MDFIC2: variants seen among roughly 807,000 people sequenced by gnomAD.
MDFIC2 encodes MyoD family inhibitor domain containing 2, also known as myoD family inhibitor domain-containing protein 2.
chr3:70,249,613 G>A (rs554953771), intron 2 of MDFIC2: 1 of 152,092 alleles, frequency 6.6e-6, no homozygotes, highest in South Asian at 2.1e-4. Context: ...CTGTGAAAAT[G>A]GAAAGAAATG....
intron 2 of MDFIC2, among the ~76,000 whole-genome samples, chr3:70,289,043 C>G (rs866922061): frequency 2.6e-5 from 4 of 152,010 alleles, no homozygotes; most frequent in Non-Finnish European, 5.9e-5. Flanking sequence ...TTAATTGGAG[C>G]ATTTAGCCCA....
In MDFIC2 at chr3:70,196,090, A is replaced by T. The variant is rs1263928047; in HGVS notation, c.*836T>A. Among the ~76,000 whole-genome samples, 2 of 152,218 alleles carry T rather than the reference A, an allele frequency of 1.3e-5. No homozygotes were observed. Among genetic ancestry groups the T allele is most frequent in the East Asian group, 3.8e-4 (2 of 5,196 alleles). ...TGTAAAATGAGCTGAATCTGTTTTAATATCCTGTTGCTTATTGTACCTGAC... is the reference window on the plus strand; with the variant it reads ...TGTAAAATGAGCTGAATCTGTTTTATTATCCTGTTGCTTATTGTACCTGAC... On this transcript the variant is annotated 3_prime_UTR_variant, in exon 4 of 4. Transcript: ENST00000567252.
intron 3 of MDFIC2, among the ~76,000 whole-genome samples, chr3:70,200,031 A>G (rs949490243): frequency 1.3e-5 from 2 of 152,176 alleles, no homozygotes; most frequent in Non-Finnish European, 2.9e-5. Context: ...GAAACCTGGT[A>G]GTCATTCTTT....
chr3:70,275,560 T>A (rs1702016535), intron 2 of MDFIC2, among the ~76,000 whole-genome samples: 1 of 151,982 alleles, frequency 6.6e-6, no homozygotes, highest in Non-Finnish European at 1.5e-5. Context: ...ACAAAGGAAT[T>A]CAGTCCTTGG....
intron 2 of MDFIC2, among the ~76,000 whole-genome samples, chr3:70,273,824 G>T (rs1701996981): frequency 6.6e-6 from 1 of 152,102 alleles, no homozygotes. Flanking sequence ...TTTTTCCAAG[G>T]CAGAGTCTCA....
chr3:70,262,904 T>G (rs908736259), intron 2 of MDFIC2, among the ~76,000 whole-genome samples: 5 of 152,210 alleles, frequency 3.3e-5, no homozygotes, highest in African/African-American at 1.2e-4. Flanking sequence ...TCTCTGTGTT[T>G]TGCTTTGGAT....
At chr3:70,214,452 G>A (rs972363359) in intron 2 of MDFIC2, among the ~76,000 whole-genome samples, 9 of 152,052 alleles carry the variant, frequency 5.9e-5, no homozygotes, top group Non-Finnish European at 1.0e-4. Context: ...AAAGGCTAAA[G>A]TATATTATTC....
At chr3:70,236,557 T>C (rs990624093) in intron 2 of MDFIC2, among the ~76,000 whole-genome samples, 3 of 152,172 alleles carry the variant, frequency 2.0e-5, no homozygotes, top group Non-Finnish European at 4.4e-5. Context: ...TTAAAGTCCA[T>C]ACTCCTTTTG....
chr3:70,311,108 G>A (rs1255875890), intron 2 of MDFIC2, among the ~76,000 whole-genome samples: 1 of 152,098 alleles, frequency 6.6e-6, no homozygotes, highest in Non-Finnish European at 1.5e-5. Flanking sequence ...ATTTATTAGA[G>A]TTTCCTACAA....
chr3:70,257,235 T>C (rs1701825353), intron 2 of MDFIC2, among the ~76,000 whole-genome samples: 1 of 152,226 alleles, frequency 6.6e-6, no homozygotes, highest in Admixed American at 6.5e-5. Context: ...CCCTTCCCCA[T>C]TCCTTAAAAC....
chr3:70,199,427 T>C (rs1701214004), intron 3 of MDFIC2, among the ~76,000 whole-genome samples: 1 of 152,200 alleles, frequency 6.6e-6, no homozygotes, highest in Non-Finnish European at 1.5e-5. Context: ...TGGCACTTGT[T>C]TCCTTCTACC....
intron 2 of MDFIC2, among the ~76,000 whole-genome samples, chr3:70,264,508 A>G (rs1439806237): frequency 6.6e-6 from 1 of 152,252 alleles, no homozygotes; most frequent in East Asian, 1.9e-4. Flanking sequence ...TCTCCCTGTT[A>G]GAGAATAACC....
At chr3:70,227,179 G>T (rs1347306713) in intron 2 of MDFIC2, among the ~76,000 whole-genome samples, 1 of 152,174 alleles carries the variant, frequency 6.6e-6, no homozygotes, top group Non-Finnish European at 1.5e-5. Flanking sequence ...TTTTGTCTTA[G>T]AAATGCCATG....
chr3:70,218,274 G>A lies in MDFIC2; in HGVS notation c.89-11484C>T, dbSNP rs183002454. On this transcript the variant is annotated intron_variant, in intron 2 of 3. Coordinates refer to ENST00000567252, the MANE Select transcript of MDFIC2 (RefSeq NM_001364677.1). ...TAACTATTTCTGCATGTTTTATAAC[G>A]TATAGTACAGTGAATATGGTAGCAT... 2.2e-4 allele frequency among the ~76,000 whole-genome samples: 33 copies of A among 152,212 alleles called. 1 individual carries two copies. The highest frequency in any genetic ancestry group is 1.2e-3 in the East Asian group (6 of 5,160).
chr3:70,261,973 A>G (rs12631093), intron 2 of MDFIC2, among the ~76,000 whole-genome samples: 16,007 of 152,164 alleles, frequency 0.11, 998 homozygotes, highest in East Asian at 0.23. Flanking sequence ...ACTTCTGCAT[A>G]CCAACCTGTC....
intron 2 of MDFIC2, among the ~76,000 whole-genome samples, chr3:70,277,218 C>T (rs1244232673): frequency 6.6e-6 from 1 of 152,050 alleles, no homozygotes; most frequent in Non-Finnish European, 1.5e-5. Flanking sequence ...TCTCCAGCTG[C>T]CTGGAAATAC....
rs144185661 is a variant in MDFIC2 at position 70,306,363 on chromosome 3, G to A, written c.88+5523C>T. ...CCTGACCTCATGATCTACCCGCCTC[G>A]GCCTCCCAAAGTGCTGGGATTATAG... On this transcript the variant is annotated intron_variant, in intron 2 of 3. Coordinates refer to ENST00000567252, the MANE Select transcript of MDFIC2 (RefSeq NM_001364677.1). Among the ~76,000 whole-genome samples the A allele has an allele frequency of 8.2e-3, 1,252 of 152,126 alleles. 16 individuals carry two copies. Among genetic ancestry groups the A allele is most frequent in the African/African-American group, 0.028 (1,181 of 41,512 alleles).
At chr3:70,216,915 C>T (rs940655976) in intron 2 of MDFIC2, among the ~76,000 whole-genome samples, 1 of 152,086 alleles carries the variant, frequency 6.6e-6, no homozygotes, top group African/African-American at 2.4e-5. Flanking sequence ...GCACAGGGAC[C>T]CCTTCCCCTC....
intron 2 of MDFIC2, among the ~76,000 whole-genome samples, chr3:70,289,322 T>A (rs1702203187): frequency 1.3e-5 from 2 of 151,858 alleles, no homozygotes; most frequent in African/African-American, 2.4e-5. Context: ...CTTATGAAGC[T>A]TAGTTTGGCT....
Sources: gnomAD v4.1 joint callset for allele counts (sites outside exome capture counted in the v4.1 genomes callset) on GRCh38, gnomAD v4.1.1 for gene constraint, MANE v1.5 for transcripts, NCBI Gene and HGNC (gene_info 2026-07-23, HGNC 2026-07-21) for gene names.